SNX27: variants seen among roughly 807,000 people sequenced by gnomAD.
SNX27 encodes sorting nexin 27, also known as sorting nexin-27.
SNX27 carries 22 observed loss-of-function variants against 71.6 expected under a neutral mutation model. The observed-to-expected ratio is 0.31, with a 90% CI of 0.22 to 0.44. The LOEUF (loss-of-function observed/expected upper bound fraction) is 0.44. SNX27 is among the 20% of genes least tolerant of loss of function. The probability of loss-of-function intolerance (pLI) is 1.00; values close to 1 mark genes in which losing one functional copy is unlikely to be tolerated. For missense variants in SNX27, 531 were observed against 698.6 expected (o/e 0.76, Z 2.70); for synonymous variants, 269 against 277.2 (o/e 0.97, Z 0.29).
intron 11 of SNX27, chr1:151,694,165 A>C: frequency 7.6e-7 from 1 of 1,321,308 alleles, no homozygotes; most frequent in South Asian, 2.1e-5. Flanking sequence ...CTTCTGTGAA[A>C]CAGGAAGACT....
chr1:151,627,608 A>G (rs1160574009), intron 1 of SNX27, among the ~76,000 whole-genome samples: 1 of 152,042 alleles, frequency 6.6e-6, no homozygotes, highest in East Asian at 1.9e-4. Context: ...TGTTTTTTTA[A>G]ATAGAGATGG....
rs753217206 is a variant in SNX27, at chr1:151,693,008, A to C, written c.1487A>C (p.Lys496Thr). The change falls in exon 10 of 12, where the codon AAG becomes ACG. Residue 496 changes from lysine (K) to threonine (T), a missense_variant. Physicochemically the swap from Lys to Thr is moderately conservative, Grantham distance 78 (BLOSUM62 -1). Coordinates refer to ENST00000458013, the MANE Select transcript of SNX27 (RefSeq NM_001330723.2). Reference protein sequence around the residue: ...FCFEYARGEKKPRWVKIFTPY... With the variant: ...FCFEYARGEKTPRWVKIFTPY... ...TTCGAATATGCACGAGGAGAGAAGA[A>C]GCCCCGATGGGTTAAAATCTTCACG... 5 of 1,614,084 alleles carry C rather than the reference A, an allele frequency of 3.1e-6. No homozygotes were observed.
intron 1 of SNX27, chr1:151,615,920 C>G (rs1667404658): frequency 3.0e-6 from 2 of 658,200 alleles, no homozygotes; most frequent in Non-Finnish European, 1.9e-6. Context: ...CTGTCCTAAT[C>G]TTTAGTCCTG....
chr1:151,612,101 GGC>G lies in SNX27; in HGVS notation c.-93_-92del. ...AGTCGGTCCCGCGGCCGGCGGATCG[GGC>G]GCGCGCGTCGGGGGTCGTCCGGCTG... On this transcript the variant is annotated 5_prime_UTR_variant, in exon 1 of 12. Transcript: ENST00000458013. The surrounding 1 kb of genome is among the most constrained non-coding windows in gnomAD (Gnocchi z 5.2). 8.2e-7 allele frequency: 1 copy of G among 1,214,060 alleles called. No homozygotes were observed. The highest frequency in any genetic ancestry group is 1.0e-6 in the Non-Finnish European group (1 of 955,286). The allele number at this position is 1,214,060 out of a possible 1,614,324, so 75.2% of individuals were successfully genotyped here.
At chr1:151,679,177 G>A (rs1455267656) in intron 7 of SNX27, 2 of 152,098 alleles carry the variant, frequency 1.3e-5, no homozygotes, top group African/African-American at 4.8e-5. Context: ...GTTCTAAAAT[G>A]TTATCAATTA....
intron 8 of SNX27, among the ~76,000 whole-genome samples, chr1:151,687,555 G>A (rs1671235286): frequency 6.6e-6 from 1 of 152,166 alleles, no homozygotes; most frequent in Admixed American, 6.5e-5. Flanking sequence ...GACCTGGTTT[G>A]ACCCTTAGCA....
intron 6 of SNX27, among the ~76,000 whole-genome samples, chr1:151,667,671 C>G (rs528301123): frequency 4.0e-5 from 6 of 151,522 alleles, no homozygotes; most frequent in African/African-American, 9.7e-5. Context: ...TAAAAAAATA[C>G]AAAAAATTAG....
chr1:151,612,317 G>T lies in SNX27; in HGVS notation c.116G>T (p.Gly39Val). The change falls in exon 1 of 12, where the codon GGC becomes GTC. Residue 39 changes from glycine to valine, a missense_variant. Gly to Val is a moderately radical substitution (Grantham distance 109). This residue lies in a region of SNX27 where 130 missense variants were observed against 143.5 expected (regional missense o/e 0.91). Transcript: ENST00000458013. The surrounding 1 kb of genome is among the most constrained non-coding windows in gnomAD (Gnocchi z 5.2). The stretch of plus-strand genomic sequence containing the variant: ...GCCGGGAACGGCGGCGGGGGAGGCG[G>T]CGGCCCGCGGGTCGTGCGCATCGTC... ...HCAGNGGGGGGGPRVVRIVKS... is the reference protein window; with the variant it reads ...HCAGNGGGGGVGPRVVRIVKS... 5.3e-6 allele frequency: 8 copies of T among 1,523,158 alleles called. No homozygotes were observed. Among genetic ancestry groups the T allele is most frequent in the East Asian group, 2.7e-5 (1 of 36,574 alleles). 94.4% of individuals were successfully genotyped at this position (1,523,158 alleles called of 1,614,324 possible). A position where few individuals can be genotyped will look rare whatever the true frequency, so the allele number is the denominator to read the frequency against.
intron 2 of SNX27, among the ~76,000 whole-genome samples, chr1:151,649,599 A>T (rs1669230017): frequency 6.6e-6 from 1 of 151,242 alleles, no homozygotes; most frequent in Admixed American, 6.6e-5. Flanking sequence ...AAACAAAATC[A>T]CTCCAGTCTT....
chr1:151,683,507 C>G, intron 8 of SNX27, 62 bp downstream of exon 8: 13 of 1,270,596 alleles, frequency 1.0e-5, no homozygotes, highest in Non-Finnish European at 1.3e-5. Context: ...AACCTATAGT[C>G]CTAGTCATTT....
chr1:151,694,252 A>G, intron 11 of SNX27, 118 bp from the exon 12 acceptor site: 1 of 1,485,750 alleles, frequency 6.7e-7, no homozygotes, highest in Non-Finnish European at 8.9e-7. Flanking sequence ...ATATCAAGAA[A>G]GATGTGGCCA....
At position 151,612,146 on chromosome 1, in the gene SNX27, G is replaced by C; in HGVS notation, c.-56G>C. On this transcript the variant is annotated 5_prime_UTR_variant, in exon 1 of 12. Coordinates refer to ENST00000458013, the MANE Select transcript of SNX27 (RefSeq NM_001330723.2). The surrounding 1 kb of genome is among the most constrained non-coding windows in gnomAD (Gnocchi z 5.2). Reference sequence around the variant, plus strand: ...TCCGGCTGCCAGGCAGGGCGAGCACGCGCCGGGAGGCCTTGGAGGCGTAGG... The same window carrying C: ...TCCGGCTGCCAGGCAGGGCGAGCACCCGCCGGGAGGCCTTGGAGGCGTAGG... 2 of 1,279,968 alleles carry C rather than the reference G, an allele frequency of 1.6e-6. No homozygotes were observed. Among genetic ancestry groups the C allele is most frequent in the Non-Finnish European group, 9.9e-7 (1 of 1,011,882 alleles). The allele number at this position is 1,279,968 out of a possible 1,614,324, so 79.3% of individuals were successfully genotyped here. A position where few individuals can be genotyped will look rare whatever the true frequency, so the allele number is the denominator to read the frequency against.
chr1:151,667,479 CAT>C (rs1485646780), intron 6 of SNX27, among the ~76,000 whole-genome samples: 3 of 152,048 alleles, frequency 2.0e-5, no homozygotes, highest in Non-Finnish European at 4.4e-5. Context: ...AGAATTGCCA[CAT>C]GAGAGACTCT....
intron 2 of SNX27, among the ~76,000 whole-genome samples, chr1:151,643,716 A>C (rs1425156094): frequency 6.6e-6 from 1 of 151,974 alleles, no homozygotes; most frequent in Middle Eastern, 3.4e-3. Context: ...GCTAGAGTGC[A>C]ATAGTGCAAT....
chr1:151,677,976 G>C (rs1051580828), intron 7 of SNX27: 4 of 152,040 alleles, frequency 2.6e-5, no homozygotes, highest in African/African-American at 9.7e-5. Context: ...CATTTTTAGT[G>C]TATAGTTCAA....
chr1:151,690,899 G>A (rs1400565259), intron 8 of SNX27, among the ~76,000 whole-genome samples: 1 of 152,190 alleles, frequency 6.6e-6, no homozygotes, highest in East Asian at 1.9e-4. Flanking sequence ...GGAAGTAATG[G>A]AAGTAATGGG....
In SNX27 at chr1:151,698,370, G is replaced by A. The variant is rs1200619866; in HGVS notation, c.*3953G>A. On this transcript the variant is annotated 3_prime_UTR_variant, in exon 12 of 12. Transcript: ENST00000458013. ...TAGTTGACCTGAATTTTCCAGACCA[G>A]GAGGGACTGCTGTGCTCTCCCTTCT... 2.6e-5 allele frequency: 4 copies of A among 152,628 alleles called. No homozygotes were observed. Among genetic ancestry groups the A allele is most frequent in the Admixed American group, 6.5e-5 (1 of 15,288 alleles). The allele number at this position is 152,628 out of a possible 1,614,324, so 9.5% of individuals were successfully genotyped here.
At chr1:151,626,370 A>C (rs1667941293) in intron 1 of SNX27, among the ~76,000 whole-genome samples, 1 of 152,128 alleles carries the variant, frequency 6.6e-6, no homozygotes, top group Non-Finnish European at 1.5e-5. Context: ...TTTTGAGCCA[A>C]GACACTTTTA....
chr1:151,648,199 G>A (rs1254256802), intron 2 of SNX27, among the ~76,000 whole-genome samples: 1 of 151,916 alleles, frequency 6.6e-6, no homozygotes, highest in African/African-American at 2.4e-5. Context: ...GACCACAGGT[G>A]CGCACCACCA....
Sources: allele counts gnomAD v4.1 joint callset (sites outside exome capture counted in the v4.1 genomes callset), GRCh38; gene constraint gnomAD v4.1.1; regional missense constraint gnomAD v4.1.1; non-coding constraint Gnocchi (gnomAD v3.1); transcripts MANE v1.5; gene names NCBI Gene and HGNC (gene_info 2026-07-23, HGNC 2026-07-21).